The following PI4K2B variants were observed in gnomAD, a reference collection of about 807,000 sequenced individuals.
The protein encoded by PI4K2B is phosphatidylinositol 4-kinase type 2-beta.
PI4K2B carries 46 observed loss-of-function variants against 56.6 expected under a neutral mutation model. The ratio of observed to expected loss-of-function variants is 0.81; its 90% CI spans 0.64 to 1.04. The LOEUF is 1.04. Among genes scored for constraint, PI4K2B ranks in the 50% least tolerant of loss-of-function variants. The probability of loss-of-function intolerance (pLI) is 0.00; values close to 1 mark genes in which losing one functional copy is unlikely to be tolerated. For missense variants in PI4K2B, 556 were observed against 607.7 expected, an observed-to-expected ratio of 0.91 and a Z score of 0.89; for synonymous variants, 211 against 223.8, an observed-to-expected ratio of 0.94 and a Z score of 0.51.
chr4:25,264,291 T>C (rs1459769273), intron 7 of PI4K2B, among the ~76,000 whole-genome samples: 1 of 152,200 alleles, frequency 6.6e-6, no homozygotes, highest in Non-Finnish European at 1.5e-5. Flanking sequence ...CTACATCTTC[T>C]TGAACCAGTT....
At chr4:25,236,153 T>G (rs1209481198) in intron 1 of PI4K2B, among the ~76,000 whole-genome samples, 1 of 151,638 alleles carries the variant, frequency 6.6e-6, no homozygotes, top group Non-Finnish European at 1.5e-5. Flanking sequence ...TATTTTATTC[T>G]CCACTGCACT....
chr4:25,271,182 G>C (rs193233968), intron 9 of PI4K2B, among the ~76,000 whole-genome samples: 1 of 152,180 alleles, frequency 6.6e-6, no homozygotes, highest in African/African-American at 2.4e-5. Flanking sequence ...GTGAAGGCTC[G>C]AGAAATAGAA....
rs934171137 is a variant in PI4K2B at position 25,278,435 on chromosome 4, C to T, written c.*1248C>T. 1 of 152,140 alleles carries T rather than the reference C, an allele frequency of 6.6e-6. No homozygotes were observed. The highest frequency in any genetic ancestry group is 1.5e-5 in the Non-Finnish European group (1 of 68,030). The allele number at this position is 152,140 out of a possible 1,614,324, so 9.4% of individuals were successfully genotyped here. A position where few individuals can be genotyped will look rare whatever the true frequency, so the allele number is the denominator to read the frequency against. The stretch of plus-strand genomic sequence containing the variant: ...TGGTCTAGGCCTTTTGTTTTCTAAG[C>T]TTACTATCTTGTGTTTGTTTATTTG... On this transcript the variant is annotated 3_prime_UTR_variant, in exon 10 of 10. Coordinates refer to ENST00000264864, the MANE Select transcript of PI4K2B (RefSeq NM_018323.4).
At chr4:25,250,020 C>T (rs1011614363) in intron 1 of PI4K2B, among the ~76,000 whole-genome samples, 14 of 152,188 alleles carry the variant, frequency 9.2e-5, no homozygotes, top group African/African-American at 3.4e-4. Flanking sequence ...GAACTGGAGA[C>T]CAGCCCGGCC....
At chr4:25,240,062 A>T (rs1560365845) in intron 1 of PI4K2B, among the ~76,000 whole-genome samples, 1 of 152,216 alleles carries the variant, frequency 6.6e-6, no homozygotes, top group Non-Finnish European at 1.5e-5. Context: ...TTTGACAAGA[A>T]GGTTAAAAAT....
intron 1 of PI4K2B, among the ~76,000 whole-genome samples, chr4:25,237,043 C>T (rs935315379): frequency 1.3e-5 from 2 of 152,182 alleles, no homozygotes; most frequent in Non-Finnish European, 2.9e-5. Context: ...ATTTATGATG[C>T]TTAACTCTTA....
intron 1 of PI4K2B, among the ~76,000 whole-genome samples, chr4:25,249,476 C>T (rs1236777772): frequency 2.7e-5 from 4 of 146,200 alleles, no homozygotes; most frequent in East Asian, 2.9e-4. Context: ...GCTGGCCGGG[C>T]GGGGGCTGCC....
intron 1 of PI4K2B, among the ~76,000 whole-genome samples, chr4:25,243,026 A>G (rs1200375333): frequency 6.6e-6 from 1 of 152,202 alleles, no homozygotes; most frequent in African/African-American, 2.4e-5. Flanking sequence ...TGGGAGAAAT[A>G]CCTGGTTACA....
At chr4:25,249,420 G>C (rs1337924173) in intron 1 of PI4K2B, among the ~76,000 whole-genome samples, 1 of 148,718 alleles carries the variant, frequency 6.7e-6, no homozygotes, top group African/African-American at 2.4e-5. Flanking sequence ...CCCCGGACAG[G>C]GCGGCTGGCC....
At chr4:25,265,783 A>G (rs548095928) in intron 7 of PI4K2B, among the ~76,000 whole-genome samples, 24 of 152,340 alleles carry the variant, frequency 1.6e-4, no homozygotes, top group South Asian at 4.1e-4. Flanking sequence ...GTATGATCCT[A>G]TATATGGCCT....
In PI4K2B at chr4:25,234,168, A is replaced by C. The variant is rs1350591315; in HGVS notation, c.5A>C (p.Glu2Ala). 4 of 1,376,102 alleles carry C rather than the reference A, an allele frequency of 2.9e-6. No individual in the cohort carries two copies. Among genetic ancestry groups the C allele is most frequent in the South Asian group, 3.4e-5 (2 of 59,090 alleles). The allele number at this position is 1,376,102 out of a possible 1,614,324, so 85.2% of individuals were successfully genotyped here. Residue 2 changes from glutamate (E) to alanine (A), a missense_variant, in exon 1 of 10, where the codon GAG becomes GCG. By Grantham distance (107) the Glu-to-Ala change is moderately radical (BLOSUM62 -1). Coordinates refer to ENST00000264864, the MANE Select transcript of PI4K2B (RefSeq NM_018323.4). M[E>A]DPSEPDRLAS... ...CGGAGGGAGCAGAGGGAGTCCATGG[A>C]GGATCCCTCCGAGCCCGACCGGTTG...
intron 4 of PI4K2B, among the ~76,000 whole-genome samples, 171 bp downstream of exon 4, chr4:25,256,845 C>T (rs981123197): frequency 2.6e-5 from 4 of 151,438 alleles, no homozygotes; most frequent in African/African-American, 4.9e-5. Context: ...GTTGAGATGA[C>T]GGTAAGTTCA....
In PI4K2B at chr4:25,234,325, G is replaced by A; in HGVS notation, c.162G>A (p.Gly54=). The A allele has an allele frequency of 7.1e-7, 1 of 1,414,496 alleles. No individual in the cohort carries two copies. 87.6% of individuals were successfully genotyped at this position (1,414,496 alleles called of 1,614,324 possible). Residue 54 remains glycine, a synonymous_variant, in exon 1 of 10, where the codon GGG becomes GGA. Coordinates refer to ENST00000264864, the MANE Select transcript of PI4K2B (RefSeq NM_018323.4). ...GSAVRLLDAA[G]EEGEAGDEEL... ...CCGTGAGGCTGCTGGACGCTGCCGG[G>A]GAGGAGGGCGAGGCCGGCGACGAGG...
At chr4:25,262,236 G>C (rs1428325862) in intron 6 of PI4K2B, among the ~76,000 whole-genome samples, 1 of 152,220 alleles carries the variant, frequency 6.6e-6, no homozygotes, top group Non-Finnish European at 1.5e-5. Context: ...AGCTATTCGG[G>C]AGGCTGAGGT....
chr4:25,259,163 AT>A lies in PI4K2B; in HGVS notation c.887del (p.Leu296TrpfsTer16). The A allele has an allele frequency of 6.3e-7, 1 of 1,574,846 alleles. No homozygotes were observed. On this transcript the variant is annotated frameshift_variant, in exon 5 of 10. Coordinates refer to ENST00000264864, the MANE Select transcript of PI4K2B (RefSeq NM_018323.4). LOFTEE classifies it high-confidence loss of function. The part of the protein sequence containing the change: ...QFQSQFERLV[I>X]LDYIIRNTDR... ...TCAGTCACAATTTGAAAGATTAGTT[AT>A]TTTGGATTACATCATCAGAAATACA...
intron 1 of PI4K2B, among the ~76,000 whole-genome samples, chr4:25,239,741 G>A (rs1478213503): frequency 2.6e-5 from 4 of 152,218 alleles, no homozygotes; most frequent in African/African-American, 9.6e-5. Context: ...CGAGGCCGAG[G>A]AGGCGCCGAG....
At chr4:25,237,850 A>G (rs1420259292) in intron 1 of PI4K2B, among the ~76,000 whole-genome samples, 1 of 152,174 alleles carries the variant, frequency 6.6e-6, no homozygotes, top group Non-Finnish European at 1.5e-5. Context: ...TTGCACCACT[A>G]TACTCCAGCC....
Position 25,234,216 on chromosome 4 carries a change from C to CGGA in PI4K2B, c.66_68dup (p.Glu22dup), listed in dbSNP as rs751673918. The stretch of plus-strand genomic sequence containing the variant: ...TTGGCGTCCGCGGACGGCGGGAGCC[C>CGGA]GGAGGAGGAGGAGGATGGGGAGCGG... On this transcript the variant is annotated inframe_insertion, in exon 1 of 10. Transcript: ENST00000264864. The CGGA allele has an allele frequency of 1.4e-5, 20 of 1,411,918 alleles. No individual in the cohort carries two copies. Among genetic ancestry groups the CGGA allele is most frequent in the East Asian group, 3.0e-5 (1 of 33,256 alleles). The allele number at this position is 1,411,918 out of a possible 1,614,324, so 87.5% of individuals were successfully genotyped here.
At chr4:25,266,229 A>T (rs554076295) in intron 7 of PI4K2B, among the ~76,000 whole-genome samples, 45 of 152,306 alleles carry the variant, frequency 3.0e-4, no homozygotes, top group African/African-American at 1.1e-3. Flanking sequence ...TTGCAGTAGC[A>T]TGCTCATAGC....
Sources: gnomAD v4.1 joint callset for allele counts (sites outside exome capture counted in the v4.1 genomes callset) on GRCh38, gnomAD v4.1.1 for gene constraint, MANE v1.5 for transcripts, NCBI Gene and HGNC (gene_info 2026-07-23, HGNC 2026-07-21) for gene names.